DCC: variants seen among roughly 807,000 people sequenced by gnomAD.
DCC encodes the protein netrin receptor DCC.
DCC carries 58 observed loss-of-function variants against 172.5 expected under a neutral mutation model. The ratio of observed to expected loss-of-function variants is 0.34; its 90% CI spans 0.27 to 0.42. The LOEUF (loss-of-function observed/expected upper bound fraction) is 0.42. Among genes scored for constraint, DCC ranks in the 10% least tolerant of loss-of-function variants. DCC has a pLI of 1.00. For synonymous variants in DCC, 709 were observed against 644.5 expected (o/e 1.10, Z -1.52); for missense variants, 1,740 against 1,791.0 (o/e 0.97, Z 0.51).
At chr18:52,479,995 C>A (rs2029891260) in intron 1 of DCC, among the ~76,000 whole-genome samples, 1 of 152,100 alleles carries the variant, frequency 6.6e-6, no homozygotes, top group African/African-American at 2.4e-5. Flanking sequence ...ATCATCAATT[C>A]TATGTAATGC....
chr18:52,994,278 G>A (rs1463830955), intron 5 of DCC, among the ~76,000 whole-genome samples: 2 of 151,938 alleles, frequency 1.3e-5, no homozygotes, highest in African/African-American at 2.4e-5. Context: ...ACAGATTCTT[G>A]GCAAATCTTT....
intron 2 of DCC, among the ~76,000 whole-genome samples, chr18:52,819,109 A>G (rs935776349): frequency 6.6e-6 from 1 of 152,188 alleles, no homozygotes; most frequent in African/African-American, 2.4e-5. Flanking sequence ...AATATTTTGC[A>G]TGTAGGTAAC....
At chr18:52,943,747 T>TG (rs33942148) in intron 5 of DCC, among the ~76,000 whole-genome samples, 1 of 17,246 alleles carries the variant, frequency 5.8e-5, no homozygotes, top group African/African-American at 1.5e-4. Context: ...GGTTTTTTTT[T>TG]TTGTTTGTTT....
At chr18:53,329,637 TG>T (rs2057508263) in intron 14 of DCC, among the ~76,000 whole-genome samples, 1 of 152,128 alleles carries the variant, frequency 6.6e-6, no homozygotes, top group African/African-American at 2.4e-5. Context: ...TGTTCCTGGA[TG>T]AAAAAACTGA....
At chr18:53,080,805 C>G (rs942062428) in intron 7 of DCC, among the ~76,000 whole-genome samples, 6 of 152,038 alleles carry the variant, frequency 3.9e-5, no homozygotes, top group African/African-American at 1.2e-4. Context: ...ACTGGGAATT[C>G]TGTAAGTTAT....
chr18:52,888,722 C>T (rs2039604493), intron 2 of DCC, among the ~76,000 whole-genome samples: 1 of 151,894 alleles, frequency 6.6e-6, no homozygotes, highest in Non-Finnish European at 1.5e-5. Context: ...GATAAGATTG[C>T]TTTTCCCAAT....
intron 22 of DCC, among the ~76,000 whole-genome samples, chr18:53,443,782 C>T (rs975511735): frequency 7.9e-5 from 12 of 152,166 alleles, no homozygotes; most frequent in African/African-American, 2.9e-4. Flanking sequence ...GGAATAGATT[C>T]CAATAAGGAG....
chr18:53,210,959 T>C (rs532590076), intron 11 of DCC, among the ~76,000 whole-genome samples: 14 of 152,242 alleles, frequency 9.2e-5, no homozygotes, highest in African/African-American at 3.4e-4. Context: ...GCCATTTTTT[T>C]TTCACACCAC....
chr18:53,233,144 A>C (rs1196087667), intron 12 of DCC, among the ~76,000 whole-genome samples: 1 of 152,064 alleles, frequency 6.6e-6, no homozygotes, highest in Non-Finnish European at 1.5e-5. Flanking sequence ...ATGGGAGAAA[A>C]TCCTATAATG....
chr18:53,153,226 C>T (rs182270649), intron 7 of DCC, among the ~76,000 whole-genome samples: 62 of 152,162 alleles, frequency 4.1e-4, no homozygotes, highest in East Asian at 5.8e-4. Flanking sequence ...TTTAAAAATA[C>T]GTTTCTCAAA....
intron 5 of DCC, among the ~76,000 whole-genome samples, chr18:53,027,612 C>T (rs1304867090): frequency 6.6e-6 from 1 of 152,056 alleles, no homozygotes; most frequent in Non-Finnish European, 1.5e-5. Flanking sequence ...TCGGTATGTC[C>T]ATACTTGGAC....
At chr18:52,998,774 T>C (rs2041521367) in intron 5 of DCC, among the ~76,000 whole-genome samples, 1 of 152,068 alleles carries the variant, frequency 6.6e-6, no homozygotes, top group African/African-American at 2.4e-5. Context: ...TCACTTTTAC[T>C]GAAACTAATG....
At chr18:53,111,959 AAAG>A in intron 7 of DCC, among the ~76,000 whole-genome samples, 1 of 151,708 alleles carries the variant, frequency 6.6e-6, no homozygotes, top group Middle Eastern at 3.4e-3. Flanking sequence ...AGAGGGAAAA[AAAG>A]AGAAGAAAAC....
At chr18:52,668,442 A>T (rs980007967) in intron 1 of DCC, among the ~76,000 whole-genome samples, 22 of 152,324 alleles carry the variant, frequency 1.4e-4, no homozygotes, top group African/African-American at 5.3e-4. Flanking sequence ...AAAGAGAAAA[A>T]TCGGCAAAAG....
intron 15 of DCC, among the ~76,000 whole-genome samples, chr18:53,351,354 GTATATATATATACTGTA>G (rs2057799512): frequency 8.1e-5 from 3 of 37,178 alleles, no homozygotes; most frequent in Non-Finnish European, 2.1e-4. Context: ...TATATACACA[GTATATATATATACTGTA>G]TATATATATA....
chr18:52,492,669 A>G (rs1473688491), intron 1 of DCC, among the ~76,000 whole-genome samples: 5 of 152,228 alleles, frequency 3.3e-5, no homozygotes, highest in East Asian at 1.9e-4. Context: ...ATACTTTGCC[A>G]TAAGAACTGA....
intron 2 of DCC, among the ~76,000 whole-genome samples, chr18:52,870,359 C>G (rs1006913728): frequency 1.3e-5 from 2 of 152,194 alleles, no homozygotes; most frequent in Non-Finnish European, 2.9e-5. Flanking sequence ...GCTCCTGCCA[C>G]CACCACTCGC....
intron 12 of DCC, among the ~76,000 whole-genome samples, chr18:53,298,701 A>C (rs2057098645): frequency 6.6e-6 from 1 of 152,056 alleles, no homozygotes; most frequent in African/African-American, 2.4e-5. Context: ...AAACAGCTGT[A>C]GTCTTCAGAA....
rs1568298492 is a variant in DCC, at chr18:53,090,732, A to AAAAAAAAAAAAAAAAAAAAT, written c.1261+24568_1261+24569insAAAAAAAAAAAAAAAAATAA. The stretch of plus-strand genomic sequence containing the variant: ...AAAAAAAAAAAAAAAAAAAAAAAAA[A>AAAAAAAAAAAAAAAAAAAAT]AAGAATGTATCGTGTTTCTTGATGC... On this transcript the variant is annotated intron_variant, in intron 7 of 28. Coordinates refer to ENST00000442544, the MANE Select transcript of DCC (RefSeq NM_005215.4). Among the ~76,000 whole-genome samples, 32 of 129,150 alleles carry AAAAAAAAAAAAAAAAAAAAT rather than the reference A, an allele frequency of 2.5e-4. 3 individuals are homozygous for AAAAAAAAAAAAAAAAAAAAT. The highest frequency in any genetic ancestry group is 4.8e-4 in the Non-Finnish European group (29 of 59,910). The allele number at this position is 129,150 out of a possible 152,430, so 84.7% of individuals were successfully genotyped here. A position where few individuals can be genotyped will look rare whatever the true frequency, so the allele number is the denominator to read the frequency against.
Sources: gnomAD v4.1 joint callset for allele counts (sites outside exome capture counted in the v4.1 genomes callset) on GRCh38, gnomAD v4.1.1 for gene constraint, MANE v1.5 for transcripts, NCBI Gene and HGNC (gene_info 2026-07-23, HGNC 2026-07-21) for gene names.